Variants in NRXN3 observed in about 807,000 individuals in gnomAD.
The protein encoded by NRXN3 is neurexin III.
In NRXN3, 32 loss-of-function variants were observed where a neutral mutation model predicts 137.6. The observed-to-expected ratio is 0.23, with a 90% confidence interval of 0.18 to 0.31. The LOEUF (loss-of-function observed/expected upper bound fraction) is 0.31. NRXN3 is among the 10% of genes least tolerant of loss of function. The probability of loss-of-function intolerance (pLI) is 1.00; values close to 1 mark genes in which losing one functional copy is unlikely to be tolerated. For missense variants in NRXN3, 1,574 were observed against 2,062.5 expected, an observed-to-expected ratio of 0.76 and a Z score of 4.59; for synonymous variants, 798 against 784.5, an observed-to-expected ratio of 1.02 and a Z score of -0.29.
intron 10 of NRXN3, among the ~76,000 whole-genome samples, chr14:78,816,512 C>G (rs551873154): frequency 1.1e-4 from 16 of 152,184 alleles, no homozygotes; most frequent in African/African-American, 3.9e-4. Flanking sequence ...CGTCTAATAG[C>G]CACATAACAT....
rs2098752146 is a variant in NRXN3 at position 78,778,563 on chromosome 14, T to G, written c.2045-25057T>G. ...TTTATACAAGCTAATTTTTCCAGGG[T>G]TTTTGTTTGTTTCTTCTTAAAAAAC... is the stretch of plus-strand genomic sequence containing the variant. On this transcript the variant is annotated intron_variant, in intron 8 of 20. Transcript: ENST00000335750. Among the ~76,000 whole-genome samples, 4 of 152,002 alleles carry G rather than the reference T, an allele frequency of 2.6e-5. No homozygotes were observed. In the South Asian group the frequency reaches 8.3e-4, roughly 31 times the overall value.
chr14:79,707,780 G>A (rs1180813406), intron 19 of NRXN3, among the ~76,000 whole-genome samples: 1 of 151,784 alleles, frequency 6.6e-6, no homozygotes, highest in Non-Finnish European at 1.5e-5. Context: ...ATAGTGTCTT[G>A]GGCACACACA....
intron 4 of NRXN3, among the ~76,000 whole-genome samples, chr14:78,434,927 G>A (rs1254044984): frequency 6.6e-6 from 1 of 152,186 alleles, no homozygotes; most frequent in Non-Finnish European, 1.5e-5. Context: ...AGAGACCTGA[G>A]CTTGCTAGTT....
At position 79,644,113 on chromosome 14, in the gene NRXN3, T is replaced by G. The variant is rs2098444139; in HGVS notation, c.3445-19665T>G. Reference sequence around the variant, plus strand: ...ATTTATCCAAATCAACCCAATGCCCTATATTTTGGGACAATTACCCTTGAG... The same window carrying G: ...ATTTATCCAAATCAACCCAATGCCCGATATTTTGGGACAATTACCCTTGAG... On this transcript the variant is annotated intron_variant, in intron 16 of 20. Transcript: ENST00000335750. Among the ~76,000 whole-genome samples the G allele has an allele frequency of 2.2e-5, 3 of 135,164 alleles. 1 individual carries two copies. Among genetic ancestry groups the G allele is most frequent in the South Asian group, 2.3e-4 (1 of 4,310 alleles). 88.7% of individuals were successfully genotyped at this position (135,164 alleles called of 152,430 possible).
At chr14:79,686,381 C>T (rs1182840920) in intron 17 of NRXN3, among the ~76,000 whole-genome samples, 2 of 152,112 alleles carry the variant, frequency 1.3e-5, no homozygotes, top group Admixed American at 1.3e-4. Context: ...AGGATTTACC[C>T]TGACTCCCAT....
intron 4 of NRXN3, among the ~76,000 whole-genome samples, chr14:78,448,233 A>T (rs1294288763): frequency 6.6e-6 from 1 of 151,630 alleles, no homozygotes; most frequent in African/African-American, 2.4e-5. Context: ...ATAGATTATA[A>T]GACCCTGAAA....
intron 4 of NRXN3, among the ~76,000 whole-genome samples, chr14:78,370,226 AC>A (rs2086610019): frequency 6.6e-6 from 1 of 151,642 alleles, no homozygotes; most frequent in Non-Finnish European, 1.5e-5. Context: ...TGGAACCCAA[AC>A]CCAGCTTTCT....
chr14:79,278,825 G>A (rs2080743901), intron 15 of NRXN3, among the ~76,000 whole-genome samples: 1 of 152,136 alleles, frequency 6.6e-6, no homozygotes, highest in African/African-American at 2.4e-5. Flanking sequence ...CTGCGGGAGG[G>A]GCCCTGGGCA....
chr14:78,359,280 T>C (rs1470768877), intron 4 of NRXN3, among the ~76,000 whole-genome samples: 1 of 152,140 alleles, frequency 6.6e-6, no homozygotes, highest in African/African-American at 2.4e-5. Context: ...CCAGAGAGTC[T>C]GGTTTTAATT....
At chr14:78,195,568 A>G (rs1352913142) in intron 1 of NRXN3, among the ~76,000 whole-genome samples, 2 of 152,196 alleles carry the variant, frequency 1.3e-5, no homozygotes, top group Admixed American at 6.5e-5. Context: ...AGGTGCGGGG[A>G]CAGCCCATCT....
At chr14:79,550,301 T>C (rs1024625410) in intron 16 of NRXN3, among the ~76,000 whole-genome samples, 6 of 152,086 alleles carry the variant, frequency 3.9e-5, no homozygotes, top group African/African-American at 9.7e-5. Context: ...AGCTGGAAGA[T>C]ACCCTTATTC....
chr14:79,258,665 A>G (rs2153399638), intron 15 of NRXN3, among the ~76,000 whole-genome samples: 1 of 152,296 alleles, frequency 6.6e-6, no homozygotes, highest in African/African-American at 2.4e-5. Flanking sequence ...TTCCAGTTTT[A>G]TATGGAAGAG....
chr14:79,302,969 C>G (rs556699957), intron 15 of NRXN3, among the ~76,000 whole-genome samples: 10 of 152,100 alleles, frequency 6.6e-5, no homozygotes, highest in African/African-American at 2.4e-4. Context: ...AGCCCCACCT[C>G]CAATGTTGGG....
At position 79,025,123 on chromosome 14, in the gene NRXN3, A is replaced by C. The variant is rs1595060254; in HGVS notation, c.3262+36982A>C. Among the ~76,000 whole-genome samples the C allele has an allele frequency of 3.9e-5, 6 of 152,236 alleles. 1 individual carries two copies. In the South Asian group the frequency reaches 1.2e-3, roughly 32 times the overall value. ...CATTTTTCTCCCTAAGTCCTGGAGA[A>C]TCTTTCTTGGCAATGTCCTGATATT... On this transcript the variant is annotated intron_variant, in intron 15 of 20. Transcript: ENST00000335750.
chr14:78,261,790 C>G (rs1373876807), intron 2 of NRXN3, among the ~76,000 whole-genome samples: 1 of 152,164 alleles, frequency 6.6e-6, no homozygotes. Context: ...GACTAGAACT[C>G]AAATATCCTA....
chr14:79,191,163 C>G (rs2064254300), intron 15 of NRXN3, among the ~76,000 whole-genome samples: 1 of 152,116 alleles, frequency 6.6e-6, no homozygotes, highest in African/African-American at 2.4e-5. Context: ...TTGCATGAGA[C>G]ACATGAAGTA....
At chr14:79,849,640 G>A (rs923327243) in intron 20 of NRXN3, among the ~76,000 whole-genome samples, 46 of 152,182 alleles carry the variant, frequency 3.0e-4, no homozygotes, top group African/African-American at 1.0e-3. Context: ...AAAGGGAACC[G>A]TTGTACACTG....
At chr14:79,821,461 C>T (rs1266511925) in intron 20 of NRXN3, among the ~76,000 whole-genome samples, 2 of 152,146 alleles carry the variant, frequency 1.3e-5, no homozygotes, top group African/African-American at 4.8e-5. Context: ...TTTAAAAACA[C>T]TAAAATAAAG....
At chr14:79,408,644 G>A (rs1199544152) in intron 15 of NRXN3, among the ~76,000 whole-genome samples, 2 of 151,994 alleles carry the variant, frequency 1.3e-5, no homozygotes, top group African/African-American at 4.8e-5. Flanking sequence ...GAAAATGTTT[G>A]CATTTTAGAC....
Sources: gnomAD v4.1 joint callset for allele counts (sites outside exome capture counted in the v4.1 genomes callset) on GRCh38, gnomAD v4.1.1 for gene constraint, MANE v1.5 for transcripts, NCBI Gene and HGNC (gene_info 2026-07-23, HGNC 2026-07-21) for gene names.